Variants in NWD1 observed in about 807,000 individuals in gnomAD.
NWD1 encodes NACHT and WD repeat domain containing 1.
Under a neutral mutation model 135.1 loss-of-function variants are expected in NWD1, and 129 were observed. The observed-to-expected ratio is 0.96, with a 90% CI of 0.83 to 1.11. The LOEUF is 1.11. Among genes scored for constraint, NWD1 ranks in the 50% least tolerant of loss-of-function variants. The probability of loss-of-function intolerance (pLI) is 0.00; values close to 1 mark genes in which losing one functional copy is unlikely to be tolerated. For synonymous variants in NWD1, 773 were observed against 786.0 expected, an observed-to-expected ratio of 0.98 and a Z score of 0.28; for missense variants, 1,740 against 1,851.3, an observed-to-expected ratio of 0.94 and a Z score of 1.10.
At chr19:16,790,193 T>C (rs1247291807) in intron 13 of NWD1, among the ~76,000 whole-genome samples, 1 of 152,132 alleles carries the variant, frequency 6.6e-6, no homozygotes, top group Non-Finnish European at 1.5e-5. Context: ...AAAATCTTTA[T>C]TTAACTACCA....
chr19:16,810,467 A>AAATAT (rs1970893339), intron 18 of NWD1, among the ~76,000 whole-genome samples: 1 of 149,822 alleles, frequency 6.7e-6, no homozygotes, highest in Non-Finnish European at 1.5e-5. Flanking sequence ...AGAAAGAAAA[A>AAATAT]GAAGGCCTTG....
At chr19:16,737,294 C>T (rs972621974) in intron 4 of NWD1, among the ~76,000 whole-genome samples, 5 of 151,878 alleles carry the variant, frequency 3.3e-5, no homozygotes, top group African/African-American at 1.2e-4. Flanking sequence ...GAGACAGAGT[C>T]TCAAAAAAGC....
intron 12 of NWD1, among the ~76,000 whole-genome samples, 192 bp from the exon 13 acceptor site, chr19:16,788,790 C>T (rs1029204893): frequency 1.3e-5 from 2 of 152,030 alleles, no homozygotes; most frequent in Non-Finnish European, 2.9e-5. Context: ...CCATAGCCTT[C>T]CTTTATAGCC....
At chr19:16,723,555 C>T (rs560633967) in intron 1 of NWD1, among the ~76,000 whole-genome samples, 19 of 152,060 alleles carry the variant, frequency 1.2e-4, no homozygotes, top group Non-Finnish European at 2.4e-4. Flanking sequence ...CTCAAGCAAT[C>T]CCCACCTCAG....
At position 16,815,632 on chromosome 19, in the gene NWD1, T is replaced by C. The variant is rs998109446; in HGVS notation, c.*593T>C. 4.2e-5 allele frequency: 14 copies of C among 330,072 alleles called. No individual in the cohort carries two copies. Among genetic ancestry groups the C allele is most frequent in the Non-Finnish European group, 6.2e-5 (11 of 178,736 alleles). The allele number at this position is 330,072 out of a possible 1,614,324, so 20.4% of individuals were successfully genotyped here. The stretch of plus-strand genomic sequence containing the variant: ...CTAGCCTCAACTCTACTGGTCCCAA[T>C]TGGCCCATACGCCTAGCCCTAAACC... On this transcript the variant is annotated 3_prime_UTR_variant, in exon 19 of 19. Coordinates refer to ENST00000524140, the MANE Select transcript of NWD1 (RefSeq NM_001007525.5).
rs1383271659 is a variant in NWD1, at chr19:16,762,150, GGGACCCCCA to G, written c.2133+13_2133+21del. ...ACTTGGACCGAAAGGTGAGGTACCT[GGGACCCCCA>G]TTCCCCACCTGCAACCTCCACCCTG... On this transcript the variant is annotated intron_variant, in intron 8 of 18. Coordinates refer to ENST00000524140, the MANE Select transcript of NWD1 (RefSeq NM_001007525.5). The G allele has an allele frequency of 6.2e-7, 1 of 1,608,808 alleles. No individual in the cohort carries two copies. The highest frequency in any genetic ancestry group is 1.3e-5 in the African/African-American group (1 of 74,754).
rs746353201 is a variant in NWD1 at position 16,749,419 on chromosome 19, C to T, written c.777C>T (p.Ala259=). The change falls in exon 6 of 19, where the codon GCC becomes GCT. Residue 259 remains alanine (A), a synonymous_variant. Transcript: ENST00000524140. ...TGAACCCCAAGAACAAGACTCACGC[C>T]TGCTACCTGAAGGAGCTGGGTGAGC... ...DLVNPKNKTH[A]CYLKELGEQF... 3 of 1,613,976 alleles carry T rather than the reference C, an allele frequency of 1.9e-6. No homozygotes were observed. Among genetic ancestry groups the T allele is most frequent in the Non-Finnish European group, 2.5e-6 (3 of 1,179,886 alleles).
At chr19:16,809,095 A>ATT (rs1008832340) in intron 18 of NWD1, among the ~76,000 whole-genome samples, 1 of 147,040 alleles carries the variant, frequency 6.8e-6, no homozygotes, top group African/African-American at 2.5e-5. Flanking sequence ...AAGATAAATA[A>ATT]TTTTTTTTTT....
chr19:16,732,598 A>ATTTTTTTTT (rs139987064), intron 3 of NWD1, among the ~76,000 whole-genome samples: 2 of 117,298 alleles, frequency 1.7e-5, no homozygotes, highest in African/African-American at 3.8e-5. Context: ...CTGGCTAGGG[A>ATTTTTTTTT]ATTTTTTTTT....
chr19:16,743,802 C>A (rs1968188253), intron 4 of NWD1, among the ~76,000 whole-genome samples: 1 of 152,034 alleles, frequency 6.6e-6, no homozygotes, highest in East Asian at 1.9e-4. Flanking sequence ...CCTGCCTCAG[C>A]CTCCCAAGTA....
At chr19:16,731,853 C>A (rs1047214140) in intron 3 of NWD1, among the ~76,000 whole-genome samples, 10 of 151,996 alleles carry the variant, frequency 6.6e-5, no homozygotes, top group Non-Finnish European at 1.0e-4. Flanking sequence ...TCTTTTTGCA[C>A]CGAGCCCCGT....
intron 11 of NWD1, among the ~76,000 whole-genome samples, chr19:16,774,465 A>G (rs1256771408): frequency 6.7e-6 from 1 of 149,892 alleles, no homozygotes; most frequent in African/African-American, 2.5e-5. Flanking sequence ...CCACTGTTCC[A>G]TCCATCCACC....
In NWD1 at chr19:16,815,058, C is replaced by A; in HGVS notation, c.*19C>A. 6.2e-7 allele frequency: 1 copy of A among 1,613,246 alleles called. No homozygotes were observed. Among genetic ancestry groups the A allele is most frequent in the Non-Finnish European group, 8.5e-7 (1 of 1,179,190 alleles). ...CTGCTGACAGTCCAGTTTGTCCATG[C>A]TGTGGTAAACAGAATCATCCCAACC... On this transcript the variant is annotated 3_prime_UTR_variant, in exon 19 of 19. Coordinates refer to ENST00000524140, the MANE Select transcript of NWD1 (RefSeq NM_001007525.5).
rs150223343 is a variant in NWD1, at chr19:16,806,646, G to A, written c.3737-940G>A. Among the ~76,000 whole-genome samples, 1,047 of 152,180 alleles carry A rather than the reference G, an allele frequency of 6.9e-3. 15 individuals are homozygous for A. The highest frequency in any genetic ancestry group is 0.023 in the African/African-American group (965 of 41,526). ...AAATCACTAGAGCCTGAGAGGTTGA[G>A]GCTGCAGTGAGCCATGTTCGTGCCA... On this transcript the variant is annotated intron_variant, in intron 17 of 18. Coordinates refer to ENST00000524140, the MANE Select transcript of NWD1 (RefSeq NM_001007525.5).
Position 16,744,274 on chromosome 19 carries a change from G to A in NWD1, c.199-147G>A, listed in dbSNP as rs1968207150. 7.8e-6 allele frequency: 5 copies of A among 639,096 alleles called. No individual in the cohort carries two copies. In the South Asian group the frequency reaches 9.6e-5, roughly 12 times the overall value. 39.6% of individuals were successfully genotyped at this position (639,096 alleles called of 1,614,324 possible). A position where few individuals can be genotyped will look rare whatever the true frequency, so the allele number is the denominator to read the frequency against. ...GCTGGGTATGGTGGCATGTGATTGTGGTCCAAGTGGGAGGATCACTTAAAC... is the reference window on the plus strand; with the variant it reads ...GCTGGGTATGGTGGCATGTGATTGTAGTCCAAGTGGGAGGATCACTTAAAC... On this transcript the variant is annotated intron_variant, in intron 4 of 18. Coordinates refer to ENST00000524140, the MANE Select transcript of NWD1 (RefSeq NM_001007525.5).
At chr19:16,729,577 T>TAAAAAAAAAAAAAAAAAAAAAAAA (rs537329853) in intron 2 of NWD1, among the ~76,000 whole-genome samples, 1 of 125,044 alleles carries the variant, frequency 8.0e-6, no homozygotes, top group African/African-American at 3.0e-5. Context: ...TTACAAAAAG[T>TAAAAAAAAAAAAAAAAAAAAAAAA]AAAAAAAAAA....
At chr19:16,809,645 C>G (rs1478935901) in intron 18 of NWD1, among the ~76,000 whole-genome samples, 3 of 150,772 alleles carry the variant, frequency 2.0e-5, no homozygotes, top group Non-Finnish European at 4.4e-5. Context: ...AGCTCTGCCT[C>G]CCGGGTTTAT....
intron 7 of NWD1, 88 bp from the exon 8 acceptor site, chr19:16,761,891 A>G (rs1969027150): frequency 8.9e-7 from 1 of 1,119,092 alleles, no homozygotes; most frequent in African/African-American, 1.5e-5. Flanking sequence ...ATGGCTTGGG[A>G]TTTGGGAACT....
In NWD1 at chr19:16,750,040, C is replaced by G. The variant is rs750250361; in HGVS notation, c.1398C>G (p.Leu466=). ...GCCCCCCGAGGGTGCACCTCATCCT[C>G]TCAGCTTGCTCGGGGGCACTGGGGG... The part of the protein sequence containing the change: ...LNCPPRVHLI[L]SACSGALGVL... Residue 466 remains leucine (L), a synonymous_variant, in exon 6 of 19, where the codon CTC becomes CTG. Coordinates refer to ENST00000524140, the MANE Select transcript of NWD1 (RefSeq NM_001007525.5). 2 of 1,613,908 alleles carry G rather than the reference C, an allele frequency of 1.2e-6. No homozygotes were observed. The highest frequency in any genetic ancestry group is 3.3e-5 in the Admixed American group (2 of 60,008).
Sources: allele counts gnomAD v4.1 joint callset (sites outside exome capture counted in the v4.1 genomes callset), GRCh38; gene constraint gnomAD v4.1.1; transcripts MANE v1.5; gene names NCBI Gene and HGNC (gene_info 2026-07-23, HGNC 2026-07-21).